Variants in TENM3 observed in about 807,000 individuals in gnomAD.
TENM3 encodes the protein teneurin transmembrane protein 3.
In TENM3, 63 loss-of-function variants were observed where a neutral mutation model predicts 255.1. The ratio of observed to expected loss-of-function variants is 0.25; its 90% confidence interval spans 0.20 to 0.30. TENM3 has a LOEUF of 0.30. Ranked by LOEUF, TENM3 falls within the 10% of genes least tolerant of loss-of-function variation. The pLI, the probability that TENM3 is intolerant of heterozygous loss-of-function variation, is 1.00. For missense variants in TENM3, 2,929 were observed against 3,461.1 expected (o/e 0.85, Z 3.86); for synonymous variants, 1,306 against 1,322.3 (o/e 0.99, Z 0.27).
chr4:182,497,805 GTA>G (rs895467431), intron 3 of TENM3, among the ~76,000 whole-genome samples: 4 of 140,806 alleles, frequency 2.8e-5, no homozygotes, highest in Non-Finnish European at 6.0e-5. Flanking sequence ...GACACGTGAT[GTA>G]TATATATATG....
At chr4:182,073,078 A>G in the TENM3 span, among the ~76,000 whole-genome samples, 12 of 152,200 alleles carry the variant, frequency 7.9e-5, no homozygotes, top group Non-Finnish European at 1.8e-4. Context: ...TTATATAAAG[A>G]AAAGGGGTTT....
At chr4:182,297,728 A>T (rs1437290691) in intron 1 of TENM3, among the ~76,000 whole-genome samples, 2 of 152,198 alleles carry the variant, frequency 1.3e-5, no homozygotes, top group East Asian at 3.8e-4. Flanking sequence ...AGATGGCCTC[A>T]TTAGCTGTTA....
At chr4:182,690,869 A>G (rs1756959604) in intron 12 of TENM3, among the ~76,000 whole-genome samples, 1 of 152,238 alleles carries the variant, frequency 6.6e-6, no homozygotes, top group African/African-American at 2.4e-5. Flanking sequence ...GTTCTTAACA[A>G]TTCCATTTCC....
intron 5 of TENM3, among the ~76,000 whole-genome samples, chr4:182,637,253 G>A (rs897281285): frequency 1.3e-5 from 2 of 152,182 alleles, no homozygotes; most frequent in Admixed American, 6.5e-5. Context: ...AAATATCAAA[G>A]GTTTCATCCT....
At chr4:181,722,479 A>G in the TENM3 span, among the ~76,000 whole-genome samples, 300 of 152,336 alleles carry the variant, frequency 2.0e-3, 3 homozygotes, top group African/African-American at 6.8e-3. Flanking sequence ...CACTCTTTCA[A>G]GGAAACATAA....
chr4:181,651,402 C>A, the TENM3 span, among the ~76,000 whole-genome samples: 1 of 152,074 alleles, frequency 6.6e-6, no homozygotes, highest in African/African-American at 2.4e-5. Context: ...GAGATCGAGA[C>A]TGGCCTAAAA....
upstream of TENM3, chr4:182,141,109 G>C (rs1455946006): frequency 6.6e-6 from 1 of 151,818 alleles, no homozygotes; most frequent in African/African-American, 2.4e-5. Context: ...GCGCATCTGT[G>C]TGGCAAGAGG....
the TENM3 span, among the ~76,000 whole-genome samples, chr4:181,728,829 A>G: frequency 6.6e-6 from 1 of 152,130 alleles, no homozygotes; most frequent in Non-Finnish European, 1.5e-5. Context: ...TTCAAGATGG[A>G]GTCGCTCTGG....
the TENM3 span, among the ~76,000 whole-genome samples, chr4:182,010,317 T>C: frequency 3.3e-5 from 5 of 152,180 alleles, no homozygotes; most frequent in Admixed American, 2.6e-4. Flanking sequence ...CATACATATA[T>C]ACATTTGTAC....
the TENM3 span, among the ~76,000 whole-genome samples, chr4:181,546,126 AT>A: frequency 2.0e-5 from 3 of 152,116 alleles, no homozygotes; most frequent in Non-Finnish European, 4.4e-5. Context: ...GTGCAAATCT[AT>A]TTTTTTAGAC....
At chr4:181,808,628 A>T in the TENM3 span, among the ~76,000 whole-genome samples, 1 of 152,206 alleles carries the variant, frequency 6.6e-6, no homozygotes, top group Non-Finnish European at 1.5e-5. Flanking sequence ...GCCTGCCTAC[A>T]TATTCCCTTC....
intron 1 of TENM3, among the ~76,000 whole-genome samples, chr4:182,233,326 G>A (rs369467858): frequency 3.8e-4 from 58 of 152,318 alleles, no homozygotes; most frequent in African/African-American, 1.3e-3. Context: ...GCATGGTGGC[G>A]GCTCCTGGCC....
chr4:181,831,968 TTGTGTGTGTGTGTG>T, the TENM3 span, among the ~76,000 whole-genome samples: 500 of 132,714 alleles, frequency 3.8e-3, 7 homozygotes, highest in African/African-American at 0.013. Flanking sequence ...ATATATTACA[TTGTGTGTGTGTGTG>T]TGTGTGTGTG....
chr4:181,796,691 GAC>G, the TENM3 span, among the ~76,000 whole-genome samples: 3 of 152,298 alleles, frequency 2.0e-5, no homozygotes, highest in African/African-American at 7.2e-5. Flanking sequence ...GATCACCTCT[GAC>G]ACAGCCTAGA....
the TENM3 span, among the ~76,000 whole-genome samples, chr4:181,618,268 C>T: frequency 6.6e-6 from 1 of 152,160 alleles, no homozygotes; most frequent in East Asian, 1.9e-4. Flanking sequence ...TCTCATCACT[C>T]TTTGGCAGAC....
intron 3 of TENM3, among the ~76,000 whole-genome samples, chr4:182,493,306 T>C (rs112883573): frequency 3.9e-5 from 6 of 152,296 alleles, no homozygotes; most frequent in African/African-American, 1.2e-4. Context: ...GGAATATGTA[T>C]TCAAAGGAGA....
chr4:181,525,936 C>T, the TENM3 span, among the ~76,000 whole-genome samples: 1 of 152,196 alleles, frequency 6.6e-6, no homozygotes. Context: ...TGATTTTTTT[C>T]CAGTGGAGGA....
intron 3 of TENM3, among the ~76,000 whole-genome samples, chr4:182,437,755 A>T (rs2151232806): frequency 6.6e-6 from 1 of 151,552 alleles, no homozygotes; most frequent in African/African-American, 2.4e-5. Flanking sequence ...GTGAGATCGC[A>T]CCACCGCACT....
the TENM3 span, among the ~76,000 whole-genome samples, chr4:181,779,859 T>G: frequency 6.6e-6 from 1 of 152,142 alleles, no homozygotes. Flanking sequence ...CATTGTTCAA[T>G]TCCCACCTAT....
Sources: allele counts gnomAD v4.1 joint callset (sites outside exome capture counted in the v4.1 genomes callset), GRCh38; gene constraint gnomAD v4.1.1; transcripts MANE v1.5; gene names NCBI Gene and HGNC (gene_info 2026-07-23, HGNC 2026-07-21).